Variants in SRGN observed in about 807,000 individuals in gnomAD.
The protein encoded by SRGN is hematopoetic proteoglycan core peptide.
SRGN carries 2 observed loss-of-function variants against 9.5 expected under a neutral mutation model. The observed-to-expected ratio is 0.21, with a 90% CI of 0.09 to 0.66. The LOEUF (loss-of-function observed/expected upper bound fraction) is 0.66, where lower values mean the gene tolerates loss of function less well. SRGN is among the 30% of genes least tolerant of loss of function. SRGN has a pLI of 0.83. For synonymous variants in SRGN, 59 were observed against 72.3 expected, an observed-to-expected ratio of 0.82 and a Z score of 0.93; for missense variants, 170 against 192.4, an observed-to-expected ratio of 0.88 and a Z score of 0.69.
intron 2 of SRGN, among the ~76,000 whole-genome samples, chr10:69,099,648 A>G (rs1840250883): frequency 6.6e-6 from 1 of 152,110 alleles, no homozygotes; most frequent in Admixed American, 6.6e-5. Flanking sequence ...CATCACTGGT[A>G]TTCACTGCAT....
upstream of SRGN, chr10:69,087,976 C>G: frequency 1.6e-6 from 1 of 612,876 alleles, no homozygotes; most frequent in African/African-American, 1.8e-5. Flanking sequence ...CTGTGTTCCC[C>G]CCACCCCCTT....
At chr10:69,090,399 C>T (rs1413961606) in intron 1 of SRGN, among the ~76,000 whole-genome samples, 1 of 152,174 alleles carries the variant, frequency 6.6e-6, no homozygotes, top group Non-Finnish European at 1.5e-5. Context: ...TAACAAAGTA[C>T]CACGGACTGA....
chr10:69,104,448 G>T lies in SRGN; in HGVS notation c.*328G>T. The stretch of plus-strand genomic sequence containing the variant: ...TTAAAGTAGCTTGAGAAGCAAATTG[G>T]CAGGTAATATTTCATACCTAAATTA... On this transcript the variant is annotated 3_prime_UTR_variant, in exon 3 of 3. Transcript: ENST00000242465. The T allele has an allele frequency of 6.2e-6, 1 of 161,158 alleles. No homozygotes were observed. Among genetic ancestry groups the T allele is most frequent in the East Asian group, 1.8e-4 (1 of 5,558 alleles). 10.0% of individuals were successfully genotyped at this position (161,158 alleles called of 1,614,324 possible).
rs762492933 is a variant in SRGN at position 69,103,917 on chromosome 10, G to T, written c.274G>T (p.Asp92Tyr). The change falls in exon 3 of 3, where the codon GAC (aspartate) becomes TAC (tyrosine). Residue 92 changes from aspartate (D) to tyrosine (Y), a missense_variant. Transcript: ENST00000242465. ...GAATCGTATCTTCCCACTTTCTGAG[G>T]ACTACTCTGGATCAGGCTTCGGCTC... ...DLNRIFPLSE[D>Y]YSGSGFGSGS... 2.5e-6 allele frequency: 4 copies of T among 1,614,014 alleles called. No individual in the cohort carries two copies. Among genetic ancestry groups the T allele is most frequent in the African/African-American group, 1.3e-5 (1 of 74,900 alleles).
At chr10:69,097,752 C>T (rs1476786955) in intron 2 of SRGN, among the ~76,000 whole-genome samples, 3 of 152,008 alleles carry the variant, frequency 2.0e-5, no homozygotes, top group Admixed American at 6.6e-5. Flanking sequence ...TTAGTAGAGA[C>T]GGGCTTTCAT....
At chr10:69,093,685 G>T (rs1273705612) in intron 1 of SRGN, among the ~76,000 whole-genome samples, 1 of 152,082 alleles carries the variant, frequency 6.6e-6, no homozygotes. Flanking sequence ...AGACCTTCCT[G>T]GCTAACCCCG....
At chr10:69,093,927 C>T (rs572276177) in intron 1 of SRGN, among the ~76,000 whole-genome samples, 23 of 152,094 alleles carry the variant, frequency 1.5e-4, no homozygotes, top group Admixed American at 1.2e-3. Context: ...CCTAGAGATA[C>T]TAAATGGTAG....
At position 69,104,525 on chromosome 10, in the gene SRGN, AAC is replaced by A. The variant is rs754047930; in HGVS notation, c.*407_*408del. On this transcript the variant is annotated 3_prime_UTR_variant, in exon 3 of 3. Coordinates refer to ENST00000242465, the MANE Select transcript of SRGN (RefSeq NM_002727.4). ...AATGATATGCCCCTTTTCTTATAAAAACAAAAAAAAAAATAATGAAACACAGT... is the reference window on the plus strand; with the variant it reads ...AATGATATGCCCCTTTTCTTATAAAAAAAAAAAAAAATAATGAAACACAGT... 2 of 67,182 alleles carry A rather than the reference AAC, an allele frequency of 3.0e-5. No homozygotes were observed. Among genetic ancestry groups the A allele is most frequent in the Non-Finnish European group, 6.6e-5 (2 of 30,186 alleles). The allele number at this position is 67,182 out of a possible 1,614,324, so 4.2% of individuals were successfully genotyped here.
At chr10:69,095,507 G>A (rs1840156956) in intron 1 of SRGN, among the ~76,000 whole-genome samples, 1 of 152,074 alleles carries the variant, frequency 6.6e-6, no homozygotes, top group South Asian at 2.1e-4. Flanking sequence ...TATATGCTTG[G>A]AGTGGGGAGG....
At chr10:69,090,642 C>T (rs1165103512) in intron 1 of SRGN, among the ~76,000 whole-genome samples, 1 of 152,190 alleles carries the variant, frequency 6.6e-6, no homozygotes, top group Non-Finnish European at 1.5e-5. Flanking sequence ...TCTTAACTAC[C>T]TATATCTGCA....
chr10:69,089,039 A>G (rs1839997874), intron 1 of SRGN, among the ~76,000 whole-genome samples: 1 of 152,220 alleles, frequency 6.6e-6, no homozygotes. Flanking sequence ...TGATAGAGAG[A>G]TGGCTGAACC....
In SRGN at chr10:69,088,162, T is replaced by A. The variant is rs115958601; in HGVS notation, c.5T>A (p.Met2Lys). 22 of 1,614,136 alleles carry A rather than the reference T, an allele frequency of 1.4e-5. No individual in the cohort carries two copies. The South Asian group carries it at 2.4e-4, about 18-fold the overall frequency. The change falls in exon 1 of 3, where the codon ATG becomes AAG. Residue 2 changes from methionine (M) to lysine (K), a missense_variant. By Grantham distance (95) the Met-to-Lys change is moderately conservative (BLOSUM62 -1). Transcript: ENST00000242465. The stretch of plus-strand genomic sequence containing the variant: ...GAGAGCTAGACTAAGTTGGTCATGA[T>A]GCAGAAGCTACTCAAATGCAGTCGG... M[M>K]QKLLKCSRLV...
chr10:69,088,370 C>A, intron 1 of SRGN, 134 bp downstream of exon 1: 1 of 729,404 alleles, frequency 1.4e-6, no homozygotes. Flanking sequence ...GATTTGGGGT[C>A]GCTGAACCCT....
intron 2 of SRGN, among the ~76,000 whole-genome samples, 196 bp downstream of exon 2, chr10:69,097,427 A>ATTTTTTTTT (rs71035049): frequency 0.051 from 5,724 of 111,172 alleles, 444 homozygotes; most frequent in Non-Finnish European, 0.077. Flanking sequence ...TGCCCAGCTA[A>ATTTTTTTTT]TTTTTTTTTT....
Position 69,104,077 on chromosome 10 carries a change from A to G in SRGN, c.434A>G (p.Gln145Arg). 2 of 1,614,234 alleles carry G rather than the reference A, an allele frequency of 1.2e-6. No homozygotes were observed. Among genetic ancestry groups the G allele is most frequent in the South Asian group, 2.2e-5 (2 of 91,086 alleles). The change falls in exon 3 of 3, where the codon CAG (glutamine) becomes CGG (arginine). Residue 145 changes from glutamine to arginine, a missense_variant. Gln to Arg is a conservative substitution (Grantham distance 43). Coordinates refer to ENST00000242465, the MANE Select transcript of SRGN (RefSeq NM_002727.4). ...SLDRNLPSDS[Q>R]DLGQHGLEED... Reference sequence around the variant, plus strand: ...GACAGGAATCTGCCCTCAGACAGCCAGGACTTGGGTCAACATGGATTAGAA... The same window carrying G: ...GACAGGAATCTGCCCTCAGACAGCCGGGACTTGGGTCAACATGGATTAGAA...
chr10:69,090,159 G>A (rs1840021753), intron 1 of SRGN, among the ~76,000 whole-genome samples: 1 of 152,190 alleles, frequency 6.6e-6, no homozygotes, highest in Non-Finnish European at 1.5e-5. Flanking sequence ...CCCACTGGCT[G>A]CACATGTGAG....
At chr10:69,095,060 C>G (rs1840147943) in intron 1 of SRGN, among the ~76,000 whole-genome samples, 1 of 151,706 alleles carries the variant, frequency 6.6e-6, no homozygotes, top group Admixed American at 6.6e-5. Flanking sequence ...GTAATCCCAG[C>G]ACTTTGGGAG....
chr10:69,104,011 T>C lies in SRGN; in HGVS notation c.368T>C (p.Val123Ala). 1.9e-6 allele frequency: 3 copies of C among 1,614,222 alleles called. No homozygotes were observed. The highest frequency in any genetic ancestry group is 2.5e-6 in the Non-Finnish European group (3 of 1,180,040). ...LTEMEQDYQL[V>A]DESDAFHDNL... ...GAAATGGAACAGGATTACCAACTAG[T>C]AGACGAAAGTGATGCTTTCCATGAC... is the stretch of plus-strand genomic sequence containing the variant. Residue 123 changes from valine to alanine, a missense_variant, in exon 3 of 3, where the codon GTA (valine) becomes GCA (alanine). Physicochemically the swap from Val to Ala is moderately conservative, Grantham distance 64. Coordinates refer to ENST00000242465, the MANE Select transcript of SRGN (RefSeq NM_002727.4).
At chr10:69,096,058 A>T (rs1307205929) in intron 1 of SRGN, among the ~76,000 whole-genome samples, 4 of 152,186 alleles carry the variant, frequency 2.6e-5, no homozygotes, top group Admixed American at 2.6e-4. Flanking sequence ...AATAGAGGAG[A>T]CTTGTTCTTG....
Sources: gnomAD v4.1 joint callset for allele counts (sites outside exome capture counted in the v4.1 genomes callset) on GRCh38, gnomAD v4.1.1 for gene constraint, MANE v1.5 for transcripts, NCBI Gene and HGNC (gene_info 2026-07-23, HGNC 2026-07-21) for gene names.